The following ZZZ3 variants were observed in gnomAD, a reference collection of about 807,000 sequenced individuals.
ZZZ3 encodes ZZ-type zinc finger-containing protein 3.
A neutral mutation model predicts 95.2 loss-of-function variants in ZZZ3; 22 were observed. That is an observed-to-expected ratio of 0.23 (90% confidence interval 0.17 to 0.33). The LOEUF is 0.33. ZZZ3 is among the 10% of genes least tolerant of loss of function. The pLI is 1.00. For synonymous variants in ZZZ3, 335 were observed against 358.9 expected, an observed-to-expected ratio of 0.93 and a Z score of 0.75; for missense variants, 885 against 1,066.5, an observed-to-expected ratio of 0.83 and a Z score of 2.37.
At chr1:77,607,444 G>A (rs1198672282) in intron 5 of ZZZ3, among the ~76,000 whole-genome samples, 2 of 152,136 alleles carry the variant, frequency 1.3e-5, no homozygotes, top group Non-Finnish European at 2.9e-5. Context: ...AGAAATTCAA[G>A]ATATCATTGA....
Position 77,566,064 on chromosome 1 carries a change from A to G in ZZZ3, c.2567+17T>C. 6.3e-7 allele frequency: 1 copy of G among 1,590,606 alleles called. No homozygotes were observed. The highest frequency in any genetic ancestry group is 1.1e-5 in the South Asian group (1 of 88,324). On this transcript the variant is annotated intron_variant, in intron 14 of 14. Transcript: ENST00000370801. Reference sequence around the variant, plus strand: ...TTCTTGTCTAAGTTGAAGACTGACAATGAAGAAAACACTTACCAGTCTGAA... The same window carrying G: ...TTCTTGTCTAAGTTGAAGACTGACAGTGAAGAAAACACTTACCAGTCTGAA...
intron 11 of ZZZ3, among the ~76,000 whole-genome samples, chr1:77,576,485 C>G (rs1370639239): frequency 6.6e-6 from 1 of 152,020 alleles, no homozygotes; most frequent in Non-Finnish European, 1.5e-5. Context: ...TTTGTATCCC[C>G]AGCATTTATC....
intron 12 of ZZZ3, among the ~76,000 whole-genome samples, chr1:77,568,727 G>GTA (rs1661083467): frequency 6.7e-6 from 1 of 149,052 alleles, no homozygotes; most frequent in Admixed American, 6.7e-5. Flanking sequence ...GCACGGCCAT[G>GTA]ATTACCACCT....
intron 1 of ZZZ3, among the ~76,000 whole-genome samples, chr1:77,673,081 G>A (rs1451684147): frequency 6.6e-6 from 1 of 152,010 alleles, no homozygotes; most frequent in Non-Finnish European, 1.5e-5. Flanking sequence ...ACAACTATTG[G>A]CCATTTATAA....
intron 8 of ZZZ3, 53 bp from the exon 9 acceptor site, chr1:77,581,122 T>C: frequency 7.4e-7 from 1 of 1,352,522 alleles, no homozygotes; most frequent in Non-Finnish European, 1.1e-6. Context: ...ACCTATCCTT[T>C]GATATAGCCA....
chr1:77,628,301 C>A (rs1186551091), intron 5 of ZZZ3, among the ~76,000 whole-genome samples: 1 of 152,164 alleles, frequency 6.6e-6, no homozygotes, highest in Non-Finnish European at 1.5e-5. Flanking sequence ...TTCTTTTGAT[C>A]CTCCACCCCT....
intron 5 of ZZZ3, among the ~76,000 whole-genome samples, chr1:77,593,994 C>T (rs554251413): frequency 1.4e-4 from 22 of 152,242 alleles, no homozygotes; most frequent in South Asian, 1.2e-3. Flanking sequence ...ACTTGTACCA[C>T]TCAGGTCACT....
At chr1:77,667,861 G>A (rs900604492) in intron 1 of ZZZ3, among the ~76,000 whole-genome samples, 10 of 150,312 alleles carry the variant, frequency 6.7e-5, no homozygotes, top group African/African-American at 2.5e-4. Flanking sequence ...CACCTACTGG[G>A]TTCAAGTGAT....
intron 13 of ZZZ3, among the ~76,000 whole-genome samples, chr1:77,566,688 A>G (rs754597244): frequency 2.6e-5 from 4 of 152,206 alleles, no homozygotes; most frequent in Non-Finnish European, 5.9e-5. Context: ...AACCCAGGCA[A>G]CAATGAAATT....
chr1:77,632,550 T>C lies in ZZZ3; in HGVS notation c.805A>G (p.Thr269Ala), dbSNP rs768230685. Residue 269 changes from threonine to alanine, a missense_variant, in exon 5 of 15, where the codon ACA becomes GCA. Thr to Ala is a moderately conservative substitution (Grantham distance 58). Coordinates refer to ENST00000370801, the MANE Select transcript of ZZZ3 (RefSeq NM_015534.6). The stretch of plus-strand genomic sequence containing the variant: ...AACTTGACCTGCACTTGTGAATCTG[T>C]GCAAGGCACCTTATGGTCTATATAA... ...DSYIDHKVPC[T>A]DSQVQVKLED... 3.1e-6 allele frequency: 5 copies of C among 1,614,220 alleles called. No individual in the cohort carries two copies. The Admixed American group carries it at 8.3e-5, about 27-fold the overall frequency.
intron 8 of ZZZ3, among the ~76,000 whole-genome samples, chr1:77,581,520 C>T (rs1056620458): frequency 1.1e-4 from 16 of 152,110 alleles, no homozygotes; most frequent in Admixed American, 6.5e-4. Context: ...CACCAACAAC[C>T]CTACAAGATA....
At chr1:77,634,095 G>A (rs553165880) in intron 4 of ZZZ3, among the ~76,000 whole-genome samples, 3 of 151,928 alleles carry the variant, frequency 2.0e-5, no homozygotes, top group Admixed American at 1.3e-4. Context: ...ACTTGAACCC[G>A]GGAGGCAGAG....
At chr1:77,591,281 C>G (rs1221247955) in intron 5 of ZZZ3, among the ~76,000 whole-genome samples, 2 of 152,128 alleles carry the variant, frequency 1.3e-5, no homozygotes, top group Non-Finnish European at 2.9e-5. Context: ...TTCAGTAACT[C>G]ACAAATAATC....
chr1:77,627,709 T>C (rs1193135980), intron 5 of ZZZ3, among the ~76,000 whole-genome samples: 1 of 152,212 alleles, frequency 6.6e-6, no homozygotes, highest in Admixed American at 6.5e-5. Context: ...CACTCTTAGA[T>C]GAGCAATAAC....
chr1:77,626,251 A>AT (rs879429865), intron 5 of ZZZ3, among the ~76,000 whole-genome samples: 12 of 151,926 alleles, frequency 7.9e-5, no homozygotes, highest in Non-Finnish European at 1.5e-4. Context: ...ATGAAGGACA[A>AT]TTTTTTCCAC....
intron 5 of ZZZ3, among the ~76,000 whole-genome samples, chr1:77,599,143 T>C (rs1557712869): frequency 6.6e-6 from 1 of 152,022 alleles, no homozygotes; most frequent in African/African-American, 2.4e-5. Flanking sequence ...AATAAATAAA[T>C]AGTAAAAGTA....
intron 5 of ZZZ3, among the ~76,000 whole-genome samples, chr1:77,627,911 C>T (rs1297926472): frequency 6.6e-6 from 1 of 152,174 alleles, no homozygotes; most frequent in African/African-American, 2.4e-5. Flanking sequence ...CTTTCAAACA[C>T]AAATTTATTT....
In ZZZ3 at chr1:77,564,923, T is replaced by C. The variant is rs1449240352; in HGVS notation, c.*717A>G. The C allele has an allele frequency of 6.6e-6, 1 of 152,658 alleles. No homozygotes were observed. The highest frequency in any genetic ancestry group is 2.4e-5 in the African/African-American group (1 of 41,468). 9.5% of individuals were successfully genotyped at this position (152,658 alleles called of 1,614,324 possible). On this transcript the variant is annotated 3_prime_UTR_variant, in exon 15 of 15. Coordinates refer to ENST00000370801, the MANE Select transcript of ZZZ3 (RefSeq NM_015534.6). The stretch of plus-strand genomic sequence containing the variant: ...CACTGGCACTTTTCACCATAGTTTG[T>C]ACACATCACATGATCATCTTATATA...
intron 1 of ZZZ3, among the ~76,000 whole-genome samples, chr1:77,643,997 A>G (rs1669020880): frequency 1.3e-5 from 2 of 152,246 alleles, no homozygotes; most frequent in Admixed American, 6.5e-5. Context: ...TGATTTTATA[A>G]GAAAGAGACA....
Sources: allele counts gnomAD v4.1 joint callset (sites outside exome capture counted in the v4.1 genomes callset), GRCh38; gene constraint gnomAD v4.1.1; transcripts MANE v1.5; gene names NCBI Gene and HGNC (gene_info 2026-07-23, HGNC 2026-07-21).